Variants in DCC observed in about 807,000 individuals in gnomAD.
The protein encoded by DCC is netrin receptor DCC.
DCC carries 58 observed loss-of-function variants against 172.5 expected under a neutral mutation model. The ratio of observed to expected loss-of-function variants is 0.34; its 90% CI spans 0.27 to 0.42. The LOEUF (loss-of-function observed/expected upper bound fraction) is 0.42. DCC is among the 10% of genes least tolerant of loss of function. DCC has a pLI of 1.00. For missense variants in DCC, 1,740 were observed against 1,791.0 expected (o/e 0.97, Z 0.51); for synonymous variants, 709 against 644.5 (o/e 1.10, Z -1.52).
At chr18:53,311,104 C>T (rs7505903) in intron 13 of DCC, among the ~76,000 whole-genome samples, 124,919 of 150,888 alleles carry the variant, frequency 0.83, 52,384 homozygotes, top group Non-Finnish European at 0.9. Context: ...TATTTTATTT[C>T]ATTTATTTAT....
intron 5 of DCC, among the ~76,000 whole-genome samples, chr18:52,929,899 C>CTATATTG (rs142506154): frequency 0.014 from 2,191 of 151,130 alleles, 42 homozygotes; most frequent in African/African-American, 0.037. Flanking sequence ...GAAATGTATG[C>CTATATTG]TATATTGTAT....
intron 2 of DCC, among the ~76,000 whole-genome samples, chr18:52,810,490 G>A (rs2038175158): frequency 6.6e-6 from 1 of 152,164 alleles, no homozygotes. Flanking sequence ...TGAACGGTGA[G>A]GAGGGCAAAG....
chr18:52,366,715 G>A (rs1323777080), intron 1 of DCC, among the ~76,000 whole-genome samples: 1 of 151,504 alleles, frequency 6.6e-6, no homozygotes, highest in East Asian at 2.0e-4. Flanking sequence ...TAGATACAGA[G>A]TGTCGATTGG....
intron 1 of DCC, among the ~76,000 whole-genome samples, chr18:52,611,445 A>G (rs1456755456): frequency 6.6e-6 from 1 of 152,146 alleles, no homozygotes; most frequent in Non-Finnish European, 1.5e-5. Context: ...TTTCATTAAT[A>G]CATTGATTAA....
At chr18:53,077,465 G>A (rs1422822796) in intron 7 of DCC, among the ~76,000 whole-genome samples, 1 of 152,012 alleles carries the variant, frequency 6.6e-6, no homozygotes, top group Non-Finnish European at 1.5e-5. Flanking sequence ...TGGAGGTCTG[G>A]GCCCCTCCTG....
intron 1 of DCC, among the ~76,000 whole-genome samples, chr18:52,617,201 C>T (rs2034399057): frequency 6.6e-6 from 1 of 152,112 alleles, no homozygotes; most frequent in Non-Finnish European, 1.5e-5. Context: ...GGAAGTATCA[C>T]ACTGTACCCC....
intron 2 of DCC, among the ~76,000 whole-genome samples, chr18:52,845,512 G>C (rs1375684967): frequency 6.6e-6 from 1 of 152,122 alleles, no homozygotes; most frequent in Non-Finnish European, 1.5e-5. Context: ...TTAGGAAAAA[G>C]ACCATGAAAA....
chr18:53,380,557 A>C (rs1907643273), intron 15 of DCC, among the ~76,000 whole-genome samples: 1 of 152,208 alleles, frequency 6.6e-6, no homozygotes. Flanking sequence ...GTTTGGCAAG[A>C]GCACAATACA....
At chr18:53,338,596 G>A (rs564089076) in intron 14 of DCC, among the ~76,000 whole-genome samples, 38 of 152,192 alleles carry the variant, frequency 2.5e-4, no homozygotes, top group African/African-American at 4.1e-4. Flanking sequence ...GTGAGACTCC[G>A]TCTCAACAAA....
intron 17 of DCC, among the ~76,000 whole-genome samples, chr18:53,393,869 C>T (rs1218676738): frequency 4.1e-5 from 6 of 145,368 alleles, no homozygotes; most frequent in Non-Finnish European, 9.0e-5. Context: ...TCCTCCCTGA[C>T]AGAAGGCTTT....
chr18:52,870,537 G>C (rs377606279), intron 2 of DCC, among the ~76,000 whole-genome samples: 5 of 152,134 alleles, frequency 3.3e-5, no homozygotes, highest in Non-Finnish European at 7.4e-5. Context: ...CCATTATTCC[G>C]GAGGCCGTAG....
chr18:53,390,251 TTC>T (rs3838902), intron 16 of DCC, among the ~76,000 whole-genome samples: 7 of 133,432 alleles, frequency 5.2e-5, no homozygotes, highest in African/African-American at 2.5e-5. Context: ...CTCTTTCTCT[TTC>T]TCTCTCTCTC....
intron 2 of DCC, among the ~76,000 whole-genome samples, chr18:52,786,179 C>T (rs1450648002): frequency 6.6e-6 from 1 of 152,032 alleles, no homozygotes. Flanking sequence ...GTTTTATTTT[C>T]CTAAACAAAA....
chr18:53,131,110 G>A (rs1236105962), intron 7 of DCC, among the ~76,000 whole-genome samples: 1 of 152,048 alleles, frequency 6.6e-6, no homozygotes, highest in Non-Finnish European at 1.5e-5. Flanking sequence ...GAATAGGGAT[G>A]GCACCCAGAC....
intron 8 of DCC, among the ~76,000 whole-genome samples, chr18:53,158,139 CAAAAA>C (rs5824992): frequency 6.6e-6 from 1 of 150,524 alleles, no homozygotes; most frequent in Admixed American, 6.6e-5. Flanking sequence ...TTTTTAAAAA[CAAAAA>C]AAAATCAAAT....
chr18:52,442,690 GA>G (rs1988005094), intron 1 of DCC, among the ~76,000 whole-genome samples: 1 of 152,198 alleles, frequency 6.6e-6, no homozygotes, highest in Admixed American at 6.5e-5. Flanking sequence ...TACAGATTGA[GA>G]AAATAATATG....
At chr18:53,200,628 TG>T (rs1343017334) in intron 9 of DCC, among the ~76,000 whole-genome samples, 1 of 152,170 alleles carries the variant, frequency 6.6e-6, no homozygotes, top group Non-Finnish European at 1.5e-5. Flanking sequence ...TTTGTTCTTA[TG>T]GGGATACTGC....
chr18:52,672,702 G>A (rs182071114), intron 1 of DCC, among the ~76,000 whole-genome samples: 3,047 of 118,282 alleles, frequency 0.026, 53 homozygotes, highest in Admixed American at 0.085. Context: ...CCCTTGCAAA[G>A]AAAGGAGCTT....
At chr18:52,460,105 A>G (rs1188034029) in intron 1 of DCC, among the ~76,000 whole-genome samples, 1 of 152,180 alleles carries the variant, frequency 6.6e-6, no homozygotes, top group Non-Finnish European at 1.5e-5. Context: ...AATAAAATCA[A>G]AATCACACTC....
Sources: allele counts gnomAD v4.1 joint callset (sites outside exome capture counted in the v4.1 genomes callset), GRCh38; gene constraint gnomAD v4.1.1; transcripts MANE v1.5; gene names NCBI Gene and HGNC (gene_info 2026-07-23, HGNC 2026-07-21).